The following ELF5 variants were observed in gnomAD, a reference collection of about 807,000 sequenced individuals.
ELF5 encodes ETS-related transcription factor Elf-5.
ELF5 carries 31 observed loss-of-function variants against 38.2 expected under a neutral mutation model. The ratio of observed to expected loss-of-function variants is 0.81; its 90% CI spans 0.61 to 1.10. The LOEUF is 1.10. ELF5 is among the 50% of genes least tolerant of loss of function. The pLI is 0.00. For missense variants in ELF5, 300 were observed against 306.6 expected, an observed-to-expected ratio of 0.98 and a Z score of 0.16; for synonymous variants, 121 against 112.5, an observed-to-expected ratio of 1.08 and a Z score of -0.48.
rs552164354 is a variant in ELF5 at position 34,490,081 on chromosome 11, A to G, written c.356-22T>C. 4.3e-6 allele frequency: 7 copies of G among 1,613,696 alleles called. No individual in the cohort carries two copies. The African/African-American group carries it at 6.7e-5, about 15-fold the overall frequency. On this transcript the variant is annotated intron_variant, in intron 3 of 6. Coordinates refer to ENST00000257832, the MANE Select transcript of ELF5 (RefSeq NM_001422.4). ...TAACCTGGGAAAGAAAAAGAAATCC[A>G]GAAACCATACCATGCAATCCTGGTT...
chr11:34,493,763 G>T lies in ELF5; in HGVS notation c.122-51C>A, dbSNP rs573637517. On this transcript the variant is annotated intron_variant, in intron 2 of 6. Transcript: ENST00000257832. ...GGACAACAGTCCCAAGACAGCCTTCGAGAGGGCCCCTGAAGGATGCATCAG... is the reference window on the plus strand; with the variant it reads ...GGACAACAGTCCCAAGACAGCCTTCTAGAGGGCCCCTGAAGGATGCATCAG... 3.3e-6 allele frequency: 5 copies of T among 1,532,348 alleles called. No homozygotes were observed. The South Asian group carries it at 4.6e-5, about 14-fold the overall frequency. The allele number at this position is 1,532,348 out of a possible 1,614,324, so 94.9% of individuals were successfully genotyped here.
chr11:34,482,647 G>A (rs1238867593), intron 4 of ELF5, 148 bp from the exon 5 acceptor site: 2 of 607,688 alleles, frequency 3.3e-6, no homozygotes, highest in African/African-American at 1.9e-5. Context: ...CTAGGTGGCA[G>A]GTGTCAAGAT....
chr11:34,480,432 GTATTTTCATGCCCTGTT>G (rs1220950108), intron 6 of ELF5, 118 bp from the exon 7 acceptor site: 18 of 776,400 alleles, frequency 2.3e-5, no homozygotes, highest in Non-Finnish European at 3.7e-5. Flanking sequence ...GGTTACCCTG[GTATTTTCATGCCCTGTT>G]ATCAACTTAC....
intron 1 of ELF5, among the ~76,000 whole-genome samples, chr11:34,512,579 G>A (rs1050472177): frequency 1.1e-5 from 1 of 89,960 alleles, no homozygotes; most frequent in African/African-American, 5.2e-5. Flanking sequence ...TCTCTAAAAT[G>A]GGGATTTTTT....
At chr11:34,503,167 C>CT (rs11398351) in intron 2 of ELF5, among the ~76,000 whole-genome samples, 19,923 of 151,276 alleles carry the variant, frequency 0.13, 1,442 homozygotes, top group Admixed American at 0.21. Flanking sequence ...GAAACTAATC[C>CT]TTTTTTTTTG....
intron 1 of ELF5, chr11:34,511,415 A>T: frequency 7.9e-7 from 1 of 1,272,832 alleles, no homozygotes; most frequent in Admixed American, 1.9e-5. Flanking sequence ...TGGAAGCTGG[A>T]ATCAGTTTCC....
chr11:34,488,972 A>T (rs1054064921), intron 4 of ELF5, among the ~76,000 whole-genome samples: 1 of 152,154 alleles, frequency 6.6e-6, no homozygotes, highest in Admixed American at 6.5e-5. Context: ...CAGCACCAGG[A>T]AACAGTGTGT....
At chr11:34,502,289 C>T (rs766383530) in intron 2 of ELF5, among the ~76,000 whole-genome samples, 28 of 152,322 alleles carry the variant, frequency 1.8e-4, no homozygotes, top group Non-Finnish European at 3.7e-4. Context: ...TAGGAGGGCC[C>T]AGAATTCCAG....
At chr11:34,492,924 G>C (rs866738124) in intron 3 of ELF5, 5 of 166,268 alleles carry the variant, frequency 3.0e-5, no homozygotes, top group Admixed American at 5.5e-5. Flanking sequence ...ATTAGAGCTC[G>C]ATGTTCTCAA....
intron 4 of ELF5, among the ~76,000 whole-genome samples, chr11:34,483,057 G>T (rs1044638111): frequency 6.6e-6 from 1 of 151,824 alleles, no homozygotes; most frequent in Non-Finnish European, 1.5e-5. Flanking sequence ...CGTCTCCACC[G>T]CTTCTCTTAG....
chr11:34,498,016 G>T (rs1269370626), intron 2 of ELF5, among the ~76,000 whole-genome samples: 2 of 152,162 alleles, frequency 1.3e-5, no homozygotes, highest in East Asian at 3.8e-4. Context: ...GGAGGTGAAG[G>T]TATTAGCTCC....
chr11:34,509,243 T>A (rs1179425832), intron 1 of ELF5, among the ~76,000 whole-genome samples: 1 of 152,020 alleles, frequency 6.6e-6, no homozygotes, highest in Admixed American at 6.6e-5. Context: ...GGCATGAGAA[T>A]CACGAACCCA....
At chr11:34,483,415 C>T (rs1856986014) in intron 4 of ELF5, among the ~76,000 whole-genome samples, 2 of 151,958 alleles carry the variant, frequency 1.3e-5, no homozygotes, top group Admixed American at 1.3e-4. Flanking sequence ...GCACCTAGCA[C>T]ACTGCCGGGC....
intron 5 of ELF5, among the ~76,000 whole-genome samples, chr11:34,481,421 C>G (rs974622852): frequency 2.6e-5 from 4 of 152,150 alleles, no homozygotes; most frequent in African/African-American, 9.7e-5. Flanking sequence ...ACTGATTGCT[C>G]TACCTGGAAA....
At chr11:34,511,430 A>C in intron 1 of ELF5, 1 of 1,414,322 alleles carries the variant, frequency 7.1e-7, no homozygotes, top group Non-Finnish European at 9.9e-7. Context: ...GTTTCCCCCA[A>C]ATGTAGTCAT....
chr11:34,506,300 A>T (rs1020501213), intron 1 of ELF5, among the ~76,000 whole-genome samples: 3 of 152,148 alleles, frequency 2.0e-5, no homozygotes, highest in Non-Finnish European at 2.9e-5. Context: ...ACTCCTGGAC[A>T]TAAAGGTGGG....
rs773417409 is a variant in ELF5 at position 34,493,539 on chromosome 11, C to T, written c.295G>A (p.Glu99Lys). 8.7e-6 allele frequency: 14 copies of T among 1,614,056 alleles called. No homozygotes were observed. The South Asian group carries it at 9.9e-5, about 11-fold the overall frequency. ...LCSMTQEEFV[E>K]AAGLCGEYLY... ...TACTCGCCGCAGAGGCCAGCTGCCT[C>T]GACGAACTCCTCCTGTGTCATGCTG... is the stretch of plus-strand genomic sequence containing the variant. The change falls in exon 3 of 7, where the codon GAG (glutamate) becomes AAG (lysine). Residue 99 changes from glutamate to lysine, a missense_variant. Coordinates refer to ENST00000257832, the MANE Select transcript of ELF5 (RefSeq NM_001422.4).
intron 2 of ELF5, among the ~76,000 whole-genome samples, chr11:34,500,140 A>G (rs549889672): frequency 1.3e-5 from 2 of 152,336 alleles, no homozygotes; most frequent in African/African-American, 4.8e-5. Context: ...AAACTACAGT[A>G]AAGCAAGCTC....
intron 3 of ELF5, among the ~76,000 whole-genome samples, chr11:34,490,698 T>C (rs911064803): frequency 6.6e-6 from 1 of 152,168 alleles, no homozygotes; most frequent in Middle Eastern, 3.2e-3. Context: ...GAGTTTGAGA[T>C]TGTGTTTTCA....
Sources: gnomAD v4.1 joint callset for allele counts (sites outside exome capture counted in the v4.1 genomes callset) on GRCh38, gnomAD v4.1.1 for gene constraint, MANE v1.5 for transcripts, NCBI Gene and HGNC (gene_info 2026-07-23, HGNC 2026-07-21) for gene names.